Variants in ASPH observed in about 807,000 individuals in gnomAD.
The protein encoded by ASPH is aspartyl/asparaginyl beta-hydroxylase.
Under a neutral mutation model 118.4 loss-of-function variants are expected in ASPH, and 100 were observed. The observed-to-expected ratio is 0.84, with a 90% CI of 0.72 to 1.00. The LOEUF (loss-of-function observed/expected upper bound fraction) is 1.00, where lower values mean the gene tolerates loss of function less well. Among genes scored for constraint, ASPH ranks in the 50% least tolerant of loss-of-function variants. The pLI, the probability that ASPH is intolerant of heterozygous loss-of-function variation, is 0.00. For missense variants in ASPH, 920 were observed against 919.5 expected (o/e 1.00, Z -0.01); for synonymous variants, 315 against 325.6 (o/e 0.97, Z 0.35).
intron 3 of ASPH, chr8:61,665,248 G>C: frequency 6.3e-7 from 1 of 1,583,856 alleles, no homozygotes. Flanking sequence ...TGATGCCAGA[G>C]CTTTAGCCGT....
intron 1 of ASPH, among the ~76,000 whole-genome samples, chr8:61,690,973 T>TA (rs1281557039): frequency 2.4e-4 from 36 of 152,168 alleles, no homozygotes; most frequent in Admixed American, 2.4e-3. Flanking sequence ...ACTACAATAT[T>TA]AAATTATTAG....
chr8:61,536,328 C>A (rs906475959), intron 21 of ASPH, among the ~76,000 whole-genome samples: 1 of 152,084 alleles, frequency 6.6e-6, no homozygotes, highest in African/African-American at 2.4e-5. Flanking sequence ...CGTGAGCCAC[C>A]GCACCCAACC....
chr8:61,524,077 CCAAT>C lies in ASPH; in HGVS notation c.1900+1896_1900+1899del, dbSNP rs897342079. 2.0e-5 allele frequency among the ~76,000 whole-genome samples: 3 copies of C among 152,090 alleles called. 1 individual carries two copies. The highest frequency in any genetic ancestry group is 4.1e-4 in the South Asian group (2 of 4,826). ...ACCTGGGCAAGAGAGCAAGATCCTG[CCAAT>C]CAATCAATCAATGTTGAAGCAACTA... On this transcript the variant is annotated intron_variant, in intron 22 of 24. Coordinates refer to ENST00000379454, the MANE Select transcript of ASPH (RefSeq NM_004318.4).
intron 14 of ASPH, 65 bp downstream of exon 14, chr8:61,618,885 GACATAAAATCATGTTATTCTTGGATGGA>G (rs1489633735): frequency 1.3e-5 from 14 of 1,087,278 alleles, no homozygotes; most frequent in Non-Finnish European, 1.9e-5. Flanking sequence ...TTTAATTAGT[GACATAAAATCATGTTATTCTTGGATGGA>G]ACATAAAATC....
intron 19 of ASPH, among the ~76,000 whole-genome samples, 159 bp from the exon 20 acceptor site, chr8:61,553,279 T>C (rs1826674577): frequency 6.6e-6 from 1 of 152,220 alleles, no homozygotes; most frequent in Non-Finnish European, 1.5e-5. Context: ...TGGTCAACAT[T>C]TGCAATGCCA....
At chr8:61,614,846 T>C (rs1848527112) in intron 14 of ASPH, among the ~76,000 whole-genome samples, 1 of 152,180 alleles carries the variant, frequency 6.6e-6, no homozygotes. Context: ...CAAACCCTAC[T>C]AACTTTATAT....
At position 61,676,343 on chromosome 8, in the gene ASPH, G is replaced by A. The variant is rs912570833; in HGVS notation, c.322+4625C>T. ...GCCTACATAAGAATAAAGGAAGAGA[G>A]AGAGAAAATAAGGAGAGCAGTTAGG... On this transcript the variant is annotated intron_variant, in intron 3 of 24. Transcript: ENST00000379454. The A allele has an allele frequency of 1.9e-6, 3 of 1,556,978 alleles. No individual in the cohort carries two copies. The African/African-American group carries it at 4.1e-5, about 21-fold the overall frequency.
chr8:61,624,250 A>G, intron 13 of ASPH: 1 of 985,446 alleles, frequency 1.0e-6, no homozygotes, highest in Non-Finnish European at 1.2e-6. Context: ...AAGGTGGAGC[A>G]GGCTGTCCAG....
At chr8:61,697,595 C>G (rs941756608) in intron 1 of ASPH, among the ~76,000 whole-genome samples, 14 of 152,152 alleles carry the variant, frequency 9.2e-5, no homozygotes, top group Admixed American at 8.5e-4. Context: ...TCCCAACACC[C>G]CCTCCTCCAG....
At chr8:61,623,328 G>A (rs901588256) in intron 13 of ASPH, among the ~76,000 whole-genome samples, 2 of 152,254 alleles carry the variant, frequency 1.3e-5, no homozygotes, top group Middle Eastern at 6.8e-3. Context: ...TCGTATACCT[G>A]TTTTGCCATT....
At chr8:61,586,543 C>G (rs971164571) in intron 14 of ASPH, among the ~76,000 whole-genome samples, 1 of 152,134 alleles carries the variant, frequency 6.6e-6, no homozygotes, top group Non-Finnish European at 1.5e-5. Flanking sequence ...GGAATCACTA[C>G]TGTCTTTTTA....
At chr8:61,540,985 C>G (rs905848964) in intron 21 of ASPH, among the ~76,000 whole-genome samples, 1 of 151,908 alleles carries the variant, frequency 6.6e-6, no homozygotes, top group Non-Finnish European at 1.5e-5. Flanking sequence ...AGAGGCCGGG[C>G]ACGGTGGCTC....
chr8:61,576,727 C>A, intron 16 of ASPH, 45 bp downstream of exon 16: 1 of 1,531,696 alleles, frequency 6.5e-7, no homozygotes, highest in South Asian at 1.2e-5. Context: ...ACACAAAACA[C>A]ATGAACATCA....
At chr8:61,691,586 G>A (rs939937304) in intron 1 of ASPH, among the ~76,000 whole-genome samples, 3 of 152,144 alleles carry the variant, frequency 2.0e-5, no homozygotes, top group Admixed American at 1.3e-4. Context: ...ACAGCAACAC[G>A]ATACCCCCAT....
chr8:61,622,023 C>A (rs926975349), intron 13 of ASPH, among the ~76,000 whole-genome samples: 26 of 152,182 alleles, frequency 1.7e-4, no homozygotes, highest in African/African-American at 6.3e-4. Flanking sequence ...ACCACTAAAG[C>A]AAATCGCTTT....
chr8:61,558,904 C>T (rs569428703), intron 18 of ASPH, among the ~76,000 whole-genome samples: 1 of 152,252 alleles, frequency 6.6e-6, no homozygotes, highest in African/African-American at 2.4e-5. Context: ...AAGACCAACT[C>T]CCCCTCATCC....
intron 1 of ASPH, among the ~76,000 whole-genome samples, chr8:61,691,236 T>C (rs6985520): frequency 0.47 from 72,074 of 151,900 alleles, 17,420 homozygotes; most frequent in Middle Eastern, 0.53. Context: ...AGTGAAACTA[T>C]TGAATGCATG....
At chr8:61,578,631 A>G (rs1836202205) in intron 15 of ASPH, 3 of 1,563,120 alleles carry the variant, frequency 1.9e-6, no homozygotes, top group Non-Finnish European at 2.6e-6. Context: ...CAACATGGAC[A>G]ACATGTTCGA....
chr8:61,557,041 A>G (rs1269949598), intron 18 of ASPH, among the ~76,000 whole-genome samples: 1 of 152,144 alleles, frequency 6.6e-6, no homozygotes, highest in African/African-American at 2.4e-5. Flanking sequence ...CCTTCAAAAT[A>G]TATTCAGAAA....
Sources: gnomAD v4.1 joint callset for allele counts (sites outside exome capture counted in the v4.1 genomes callset) on GRCh38, gnomAD v4.1.1 for gene constraint, MANE v1.5 for transcripts, NCBI Gene and HGNC (gene_info 2026-07-23, HGNC 2026-07-21) for gene names.